The following CACNA1C variants were observed in gnomAD, a reference collection of about 807,000 sequenced individuals.
The protein encoded by CACNA1C is calcium voltage-gated channel subunit alpha1 C.
A neutral mutation model predicts 229.0 loss-of-function variants in CACNA1C; 30 were observed. That is an observed-to-expected ratio of 0.13 (90% CI 0.10 to 0.18). The LOEUF (loss-of-function observed/expected upper bound fraction) is 0.18, where lower values mean the gene tolerates loss of function less well. Among genes scored for constraint, CACNA1C ranks in the 10% least tolerant of loss-of-function variants. The pLI, the probability that CACNA1C is intolerant of heterozygous loss-of-function variation, is 1.00. For synonymous variants in CACNA1C, 1,114 were observed against 1,132.5 expected, an observed-to-expected ratio of 0.98 and a Z score of 0.33; for missense variants, 1,658 against 2,845.0, an observed-to-expected ratio of 0.58 and a Z score of 9.49.
At chr12:2,292,838 G>A (rs1417431543) in intron 3 of CACNA1C, among the ~76,000 whole-genome samples, 2 of 152,138 alleles carry the variant, frequency 1.3e-5, no homozygotes, top group Non-Finnish European at 2.9e-5. Flanking sequence ...TTTCTCCCAT[G>A]CCCTGCGGCA....
chr12:2,625,327 CTG>C (rs1222610244), intron 29 of CACNA1C, among the ~76,000 whole-genome samples: 1 of 152,246 alleles, frequency 6.6e-6, no homozygotes, highest in African/African-American at 2.4e-5. Flanking sequence ...GGAAAGTACA[CTG>C]TGGTTTCCGT....
In CACNA1C at chr12:2,608,367, C is replaced by T. The variant is rs560758185; in HGVS notation, c.3357-144C>T. 1.2e-4 allele frequency: 73 copies of T among 586,986 alleles called. 1 individual carries two copies. Among genetic ancestry groups the T allele is most frequent in the Admixed American group, 5.7e-4 (19 of 33,174 alleles). 36.4% of individuals were successfully genotyped at this position (586,986 alleles called of 1,614,324 possible). The stretch of plus-strand genomic sequence containing the variant: ...AAACGCTTTGCCCAAGGTCACACAG[C>T]CAGTAAGAGGCCGAGCTGGGACTCC... On this transcript the variant is annotated intron_variant, in intron 26 of 46. Coordinates refer to ENST00000399655, the MANE Select transcript of CACNA1C (RefSeq NM_000719.7). This position sits in a 1 kb window ranked among gnomAD's most constrained non-coding sequence, Gnocchi z 4.2.
At chr12:2,259,467 T>G (rs1360895262) in intron 3 of CACNA1C, among the ~76,000 whole-genome samples, 1 of 152,138 alleles carries the variant, frequency 6.6e-6, no homozygotes. Flanking sequence ...AAAACAAACC[T>G]CAGGAGACCA....
chr12:2,097,367 C>T (rs956813595), intron 1 of CACNA1C, among the ~76,000 whole-genome samples: 9 of 151,978 alleles, frequency 5.9e-5, no homozygotes, highest in Admixed American at 2.0e-4. Flanking sequence ...AGGATAGTCT[C>T]GATCTCCTGA....
Position 2,053,362 on chromosome 12 carries a change from A to C in CACNA1C, c.-201A>C. The stretch of plus-strand genomic sequence containing the variant: ...ACTCGAGGAGGCAGTAGTGGAAAGG[A>C]GCAGTTTTTGGGGTTTGATGCCATA... On this transcript the variant is annotated 5_prime_UTR_variant, in exon 1 of 47. Transcript: ENST00000399655. This position sits in a 1 kb window ranked among gnomAD's most constrained non-coding sequence, Gnocchi z 5.8. The C allele has an allele frequency of 2.7e-5, 36 of 1,354,234 alleles. No individual in the cohort carries two copies. The highest frequency in any genetic ancestry group is 3.3e-5 in the Non-Finnish European group (35 of 1,051,788). 83.9% of individuals were successfully genotyped at this position (1,354,234 alleles called of 1,614,324 possible).
intron 1 of CACNA1C, among the ~76,000 whole-genome samples, chr12:1,978,045 T>A (rs1051415845): frequency 3.9e-5 from 6 of 152,218 alleles, no homozygotes; most frequent in Middle Eastern, 3.2e-3. Context: ...AAAAATTGAC[T>A]CTCAAGAGAG....
intron 1 of CACNA1C, among the ~76,000 whole-genome samples, chr12:2,023,016 A>G (rs2046729996): frequency 6.6e-6 from 1 of 151,894 alleles, no homozygotes; most frequent in Non-Finnish European, 1.5e-5. Flanking sequence ...CTGGTTTTAT[A>G]CTCTGCTGTC....
At chr12:2,023,872 G>T (rs1181047238) in intron 1 of CACNA1C, among the ~76,000 whole-genome samples, 1 of 152,214 alleles carries the variant, frequency 6.6e-6, no homozygotes. Context: ...CTGCTTAATA[G>T]ACTTCATTCA....
chr12:2,018,484 C>T (rs1205900810), intron 1 of CACNA1C, among the ~76,000 whole-genome samples: 1 of 152,200 alleles, frequency 6.6e-6, no homozygotes, highest in Non-Finnish European at 1.5e-5. Flanking sequence ...GGCTCCAGTA[C>T]ACCACGGCTG....
intron 3 of CACNA1C, among the ~76,000 whole-genome samples, chr12:2,382,803 C>T (rs1403635091): frequency 6.6e-6 from 1 of 152,126 alleles, no homozygotes; most frequent in Non-Finnish European, 1.5e-5. Context: ...GAACTTGCAT[C>T]GATGTGGAAC....
chr12:2,115,185 T>C, intron 1 of CACNA1C, 39 bp from the exon 2 acceptor site: 1 of 1,428,592 alleles, frequency 7.0e-7, no homozygotes, highest in South Asian at 1.4e-5. Flanking sequence ...CCCTGTTTTC[T>C]ATCTAGTAAC....
chr12:2,580,920 A>G (rs2060249016), intron 13 of CACNA1C, among the ~76,000 whole-genome samples: 1 of 152,174 alleles, frequency 6.6e-6, no homozygotes, highest in Admixed American at 6.5e-5. Context: ...TGGGCCCCAA[A>G]CTACAGCTAA....
At chr12:2,254,922 G>A (rs2076839220) in intron 3 of CACNA1C, among the ~76,000 whole-genome samples, 1 of 152,168 alleles carries the variant, frequency 6.6e-6, no homozygotes, top group African/African-American at 2.4e-5. Flanking sequence ...CATCCCGAAG[G>A]TCTTTTAAGT....
At position 2,486,551 on chromosome 12, in the gene CACNA1C, G is replaced by A. The variant is rs2099698410; in HGVS notation, c.916+289G>A. On this transcript the variant is annotated intron_variant, in intron 6 of 46. Transcript: ENST00000399655. The surrounding 1 kb of genome is among the most constrained non-coding windows in gnomAD (Gnocchi z 4.9). The stretch of plus-strand genomic sequence containing the variant: ...TTGAATAACTTAGAACCTATCTTTT[G>A]TCAATCTACGACTTTTCAAGCCAAC... Among the ~76,000 whole-genome samples the A allele has an allele frequency of 6.6e-6, 1 of 152,182 alleles. No homozygotes were observed. Among genetic ancestry groups the A allele is most frequent in the South Asian group, 2.1e-4 (1 of 4,834 alleles).
At position 2,317,813 on chromosome 12, in the gene CACNA1C, G is replaced by T. The variant is rs141714046; in HGVS notation, c.478-131163G>T. Among the ~76,000 whole-genome samples, 139 of 152,326 alleles carry T rather than the reference G, an allele frequency of 9.1e-4. 2 individuals carry two copies. In the East Asian group the frequency reaches 0.024, roughly 26 times the overall value. Reference sequence around the variant, plus strand: ...GATTGGATGTGGGAACACAGTCTGGGTGGAGAGGAGATTTCAGGAGAGAAG... The same window carrying T: ...GATTGGATGTGGGAACACAGTCTGGTTGGAGAGGAGATTTCAGGAGAGAAG... On this transcript the variant is annotated intron_variant, in intron 3 of 46. Transcript: ENST00000399655.
At position 2,655,173 on chromosome 12, in the gene CACNA1C, T is replaced by C. The variant is rs776355596; in HGVS notation, c.4167T>C (p.Asp1389=). 3 of 1,613,360 alleles carry C rather than the reference T, an allele frequency of 1.9e-6. No homozygotes were observed. The highest frequency in any genetic ancestry group is 1.7e-4 in the Middle Eastern group (1 of 6,060). ...TGTTTGGGAAAATTGCCCTGAATGATACCACAGAGATCAACCGGAACAACA... is the reference window on the plus strand; with the variant it reads ...TGTTTGGGAAAATTGCCCTGAATGACACCACAGAGATCAACCGGAACAACA... ...MQVFGKIALN[D]TTEINRNNNF... Residue 1389 remains aspartate, a synonymous_variant, in exon 34 of 47, where the codon GAT becomes GAC. Coordinates refer to ENST00000399655, the MANE Select transcript of CACNA1C (RefSeq NM_000719.7).
At chr12:2,571,649 T>C (rs571767342) in intron 13 of CACNA1C, among the ~76,000 whole-genome samples, 1 of 152,076 alleles carries the variant, frequency 6.6e-6, no homozygotes, top group South Asian at 2.1e-4. Flanking sequence ...CAAGAAGGAG[T>C]AGTAGTATTT....
chr12:2,022,150 T>C (rs2046570011), intron 1 of CACNA1C, among the ~76,000 whole-genome samples: 1 of 152,150 alleles, frequency 6.6e-6, no homozygotes, highest in Admixed American at 6.5e-5. Context: ...TGAACTGCTG[T>C]ATTGACAGGG....
chr12:2,158,760 T>G (rs1260714014), intron 3 of CACNA1C, among the ~76,000 whole-genome samples: 3 of 149,788 alleles, frequency 2.0e-5, no homozygotes, highest in African/African-American at 7.3e-5. Context: ...AAGAAAAAAA[T>G]AAAACTTAGC....
Sources: allele counts gnomAD v4.1 joint callset (sites outside exome capture counted in the v4.1 genomes callset), GRCh38; gene constraint gnomAD v4.1.1; non-coding constraint Gnocchi (gnomAD v3.1); transcripts MANE v1.5; gene names NCBI Gene and HGNC (gene_info 2026-07-23, HGNC 2026-07-21).